Variants in KALRN observed in about 807,000 individuals in gnomAD.
KALRN encodes the protein kalirin RhoGEF kinase, also known as kalirin.
KALRN carries 70 observed loss-of-function variants against 353.7 expected under a neutral mutation model. The observed-to-expected ratio is 0.20, with a 90% confidence interval of 0.16 to 0.24. The LOEUF is 0.24. KALRN is among the 10% of genes least tolerant of loss of function. The probability of loss-of-function intolerance (pLI) is 1.00; values close to 1 mark genes in which losing one functional copy is unlikely to be tolerated. For missense variants in KALRN, 2,791 were observed against 3,756.7 expected (o/e 0.74, Z 6.72); for synonymous variants, 1,391 against 1,434.8 (o/e 0.97, Z 0.69).
intron 34 of KALRN, among the ~76,000 whole-genome samples, chr3:124,629,829 T>C (rs1156942305): frequency 6.8e-6 from 1 of 148,124 alleles, no homozygotes; most frequent in Non-Finnish European, 1.5e-5. Context: ...TCTCTCTCTC[T>C]GCTTCTCTCT....
chr3:124,182,972 A>G (rs529302348), intron 1 of KALRN, among the ~76,000 whole-genome samples: 2 of 152,302 alleles, frequency 1.3e-5, no homozygotes, highest in South Asian at 4.1e-4. Context: ...TGTATATTAT[A>G]TATATAGGGT....
chr3:124,068,180 A>T (rs1162478256), intron 1 of KALRN, among the ~76,000 whole-genome samples: 7 of 152,278 alleles, frequency 4.6e-5, no homozygotes, highest in Non-Finnish European at 8.8e-5. Flanking sequence ...CAGTTCTAGG[A>T]TCTAGATCCC....
At chr3:124,707,275 C>T (rs778850226) in intron 57 of KALRN, among the ~76,000 whole-genome samples, 11 of 151,952 alleles carry the variant, frequency 7.2e-5, no homozygotes, top group African/African-American at 2.2e-4. Context: ...CCTGGGAGGT[C>T]GAGATCGCAC....
chr3:124,606,214 A>T (rs1487105200), intron 34 of KALRN, among the ~76,000 whole-genome samples: 1 of 152,228 alleles, frequency 6.6e-6, no homozygotes, highest in Non-Finnish European at 1.5e-5. Context: ...GTACAAGAGG[A>T]ATTATACTTC....
intron 13 of KALRN, among the ~76,000 whole-genome samples, chr3:124,403,885 G>T (rs951186335): frequency 4.6e-5 from 7 of 152,136 alleles, no homozygotes; most frequent in Non-Finnish European, 1.0e-4. Flanking sequence ...CTCCTAGTTT[G>T]CAGAGAACAC....
At chr3:124,428,130 T>C (rs1197183831) in intron 15 of KALRN, among the ~76,000 whole-genome samples, 1 of 152,196 alleles carries the variant, frequency 6.6e-6, no homozygotes, top group Non-Finnish European at 1.5e-5. Context: ...CTAGCCAGTT[T>C]TATGAACCTG....
intron 34 of KALRN, among the ~76,000 whole-genome samples, chr3:124,602,020 T>G (rs2076853814): frequency 9.9e-6 from 1 of 100,744 alleles, no homozygotes; most frequent in Non-Finnish European, 1.9e-5. Context: ...AGCAAGACTC[T>G]GTCTCAAAAA....
At chr3:124,528,586 G>A (rs142515436) in intron 33 of KALRN, among the ~76,000 whole-genome samples, 75 of 152,270 alleles carry the variant, frequency 4.9e-4, no homozygotes, top group African/African-American at 1.7e-3. Context: ...AATGGGAGGG[G>A]AGCTTAGAGT....
intron 31 of KALRN, among the ~76,000 whole-genome samples, chr3:124,491,887 C>CTTA (rs2063202766): frequency 6.6e-6 from 1 of 152,108 alleles, no homozygotes; most frequent in African/African-American, 2.4e-5. Flanking sequence ...CCCTGGGAAC[C>CTTA]TACATTCTTG....
chr3:124,628,575 C>A (rs1203420506), intron 34 of KALRN, among the ~76,000 whole-genome samples: 1 of 123,718 alleles, frequency 8.1e-6, no homozygotes, highest in Non-Finnish European at 1.7e-5. Flanking sequence ...CTTTTCATTT[C>A]TTTTCTTCTC....
intron 27 of KALRN, among the ~76,000 whole-genome samples, chr3:124,479,099 C>T (rs1040017120): frequency 3.9e-5 from 6 of 152,248 alleles, no homozygotes; most frequent in Non-Finnish European, 8.8e-5. Context: ...CCTGTGAGCT[C>T]CTTGAGATCT....
At chr3:124,447,081 A>G (rs1230182529) in intron 21 of KALRN, among the ~76,000 whole-genome samples, 196 bp downstream of exon 21, 1 of 152,190 alleles carries the variant, frequency 6.6e-6, no homozygotes, top group Non-Finnish European at 1.5e-5. Flanking sequence ...TGCTGGGTAG[A>G]GCAGCTGTAT....
intron 4 of KALRN, among the ~76,000 whole-genome samples, 197 bp downstream of exon 4, chr3:124,264,887 C>T (rs1364768733): frequency 6.6e-6 from 1 of 152,196 alleles, no homozygotes; most frequent in Non-Finnish European, 1.5e-5. Flanking sequence ...GTCCCAAATG[C>T]ACACCTTCAT....
intron 34 of KALRN, among the ~76,000 whole-genome samples, chr3:124,577,904 A>G (rs575754230): frequency 0.015 from 2,319 of 151,236 alleles, 59 homozygotes; most frequent in African/African-American, 0.053. Context: ...ACCCCCCACC[A>G]TATTTGGAGT....
At chr3:124,038,840 A>G (rs1201403291) in intron 1 of KALRN, among the ~76,000 whole-genome samples, 1 of 152,176 alleles carries the variant, frequency 6.6e-6, no homozygotes, top group African/African-American at 2.4e-5. Context: ...CCCAGTCATG[A>G]TATTTAAAAC....
chr3:124,286,744 C>T (rs1016795379), intron 5 of KALRN, among the ~76,000 whole-genome samples: 2 of 151,992 alleles, frequency 1.3e-5, no homozygotes, highest in Non-Finnish European at 2.9e-5. Context: ...CCATTTTGTC[C>T]CTTCCCCCCA....
chr3:124,281,515 A>T (rs1245006788), intron 5 of KALRN, among the ~76,000 whole-genome samples: 1 of 152,044 alleles, frequency 6.6e-6, no homozygotes, highest in Non-Finnish European at 1.5e-5. Context: ...CCACCTTTTC[A>T]TGCCTTTGTT....
At chr3:124,123,335 CT>C (rs1175874603) in intron 1 of KALRN, among the ~76,000 whole-genome samples, 1 of 152,168 alleles carries the variant, frequency 6.6e-6, no homozygotes, top group Non-Finnish European at 1.5e-5. Flanking sequence ...GGGGAAACAA[CT>C]TTATTGCTGA....
chr3:124,472,099 T>A (rs1262770602), intron 25 of KALRN, among the ~76,000 whole-genome samples: 1 of 152,186 alleles, frequency 6.6e-6, no homozygotes, highest in African/African-American at 2.4e-5. Context: ...TTCCCATAGG[T>A]TTTTGGTAGC....
Sources: allele counts gnomAD v4.1 joint callset (sites outside exome capture counted in the v4.1 genomes callset), GRCh38; gene constraint gnomAD v4.1.1; transcripts MANE v1.5; gene names NCBI Gene and HGNC (gene_info 2026-07-23, HGNC 2026-07-21).